Variants in TMTC2 observed in about 807,000 individuals in gnomAD.
TMTC2 encodes the protein transmembrane O-mannosyltransferase targeting cadherins 2.
A neutral mutation model predicts 82.4 loss-of-function variants in TMTC2; 43 were observed. The ratio of observed to expected loss-of-function variants is 0.52; its 90% CI spans 0.41 to 0.67. The LOEUF is 0.67. Among genes scored for constraint, TMTC2 ranks in the 30% least tolerant of loss-of-function variants. The probability of loss-of-function intolerance (pLI) is 0.00; values close to 1 mark genes in which losing one functional copy is unlikely to be tolerated. For missense variants in TMTC2, 919 were observed against 1,012.4 expected (o/e 0.91, Z 1.25); for synonymous variants, 408 against 381.9 (o/e 1.07, Z -0.80).
At chr12:83,075,922 C>G (rs1276341663) in intron 11 of TMTC2, among the ~76,000 whole-genome samples, 1 of 152,178 alleles carries the variant, frequency 6.6e-6, no homozygotes, top group African/African-American at 2.4e-5. Flanking sequence ...TTGTGTTGTA[C>G]TTCTGTTTTG....
intron 1 of TMTC2, among the ~76,000 whole-genome samples, chr12:82,720,605 A>G (rs1165960768): frequency 2.6e-5 from 4 of 152,230 alleles, no homozygotes; most frequent in Non-Finnish European, 5.9e-5. Flanking sequence ...TATATGTAGC[A>G]GTGGAACTGC....
At chr12:83,018,506 A>G (rs1565855328) in intron 8 of TMTC2, among the ~76,000 whole-genome samples, 1 of 152,206 alleles carries the variant, frequency 6.6e-6, no homozygotes, top group Non-Finnish European at 1.5e-5. Context: ...CATGGCTAAT[A>G]GCTAATATTT....
At chr12:82,688,625 A>G (rs968068394) in intron 1 of TMTC2, among the ~76,000 whole-genome samples, 3 of 152,208 alleles carry the variant, frequency 2.0e-5, no homozygotes, top group Non-Finnish European at 4.4e-5. Flanking sequence ...ATTAAAATAT[A>G]TTAGGGATAA....
chr12:82,739,032 C>T (rs1875257950), intron 1 of TMTC2, among the ~76,000 whole-genome samples: 1 of 151,758 alleles, frequency 6.6e-6, no homozygotes, highest in South Asian at 2.1e-4. Context: ...CCTGTAATCC[C>T]AGCTACTCGG....
At chr12:83,052,819 T>C (rs1882403684) in intron 10 of TMTC2, among the ~76,000 whole-genome samples, 1 of 152,230 alleles carries the variant, frequency 6.6e-6, no homozygotes, top group Non-Finnish European at 1.5e-5. Context: ...ATACTGGCAG[T>C]GAGGAAATCT....
chr12:83,097,798 T>A (rs908924508), intron 11 of TMTC2, among the ~76,000 whole-genome samples: 16 of 152,110 alleles, frequency 1.1e-4, no homozygotes, highest in African/African-American at 3.6e-4. Context: ...TGCAAATATA[T>A]GCGCATGCAC....
intron 3 of TMTC2, among the ~76,000 whole-genome samples, chr12:82,922,819 A>G (rs1474654586): frequency 1.3e-5 from 2 of 152,074 alleles, no homozygotes; most frequent in African/African-American, 4.8e-5. Flanking sequence ...GTTATGGTCC[A>G]TTCATGTAAC....
At chr12:82,942,335 G>A (rs1876767184) in intron 4 of TMTC2, among the ~76,000 whole-genome samples, 2 of 152,112 alleles carry the variant, frequency 1.3e-5, no homozygotes, top group African/African-American at 2.4e-5. Flanking sequence ...AGGATAAGAT[G>A]TTTCCTGGTT....
chr12:82,876,762 C>G (rs1374038352), intron 2 of TMTC2, among the ~76,000 whole-genome samples: 1 of 151,966 alleles, frequency 6.6e-6, no homozygotes, highest in Non-Finnish European at 1.5e-5. Context: ...ACTTCTTTAT[C>G]TTGATCAGGC....
chr12:83,080,129 T>G (rs75734487), intron 11 of TMTC2, among the ~76,000 whole-genome samples: 6,707 of 152,246 alleles, frequency 0.044, 188 homozygotes, highest in East Asian at 0.12. Flanking sequence ...CTCCAGCTGG[T>G]GAACTTTAAT....
intron 7 of TMTC2, among the ~76,000 whole-genome samples, chr12:82,971,291 A>G (rs1352951421): frequency 6.6e-6 from 1 of 152,140 alleles, no homozygotes; most frequent in East Asian, 1.9e-4. Flanking sequence ...CTATGTCAAA[A>G]TAGTTTTCCT....
Position 82,795,648 on chromosome 12 carries a change from G to T in TMTC2, c.84-61362G>T, listed in dbSNP as rs111917148. Among the ~76,000 whole-genome samples, 9 of 150,832 alleles carry T rather than the reference G, an allele frequency of 6.0e-5. 1 individual carries two copies. The highest frequency in any genetic ancestry group is 2.2e-4 in the African/African-American group (9 of 41,152). ...TGGTAAATTGGGATTATGACCCTTA[G>T]AAAAAAAAAGGCTTCAAGAGCACTC... is the stretch of plus-strand genomic sequence containing the variant. On this transcript the variant is annotated intron_variant, in intron 1 of 11. Transcript: ENST00000321196.
chr12:82,994,980 G>A (rs879388182), intron 8 of TMTC2, among the ~76,000 whole-genome samples: 1 of 148,782 alleles, frequency 6.7e-6, no homozygotes, highest in Non-Finnish European at 1.5e-5. Context: ...AAGCCCCATT[G>A]ATACTCTATG....
intron 1 of TMTC2, among the ~76,000 whole-genome samples, chr12:82,690,759 G>T (rs1278868692): frequency 6.6e-6 from 1 of 152,050 alleles, no homozygotes; most frequent in Non-Finnish European, 1.5e-5. Context: ...GAGGAAAATT[G>T]AAATTAACAA....
At chr12:82,771,710 A>ATAAC (rs1877320672) in intron 1 of TMTC2, among the ~76,000 whole-genome samples, 1 of 152,240 alleles carries the variant, frequency 6.6e-6, no homozygotes, top group African/African-American at 2.4e-5. Context: ...TTATGCATAA[A>ATAAC]TAACTAATGA....
chr12:83,057,719 TA>T (rs398116681), intron 10 of TMTC2, among the ~76,000 whole-genome samples: 2 of 150,686 alleles, frequency 1.3e-5, no homozygotes, highest in East Asian at 1.9e-4. Context: ...TCTCTCCAGT[TA>T]AAAAAAAATG....
At chr12:83,053,979 C>T (rs1366767464) in intron 10 of TMTC2, among the ~76,000 whole-genome samples, 3 of 152,034 alleles carry the variant, frequency 2.0e-5, no homozygotes, top group Admixed American at 2.0e-4. Context: ...TTGCACTTTC[C>T]TGCCTTCCTT....
chr12:82,698,162 T>TA (rs912951069), intron 1 of TMTC2, among the ~76,000 whole-genome samples: 24 of 152,170 alleles, frequency 1.6e-4, no homozygotes, highest in African/African-American at 5.8e-4. Context: ...TCCTAGTTAA[T>TA]AAAAACCTTT....
intron 9 of TMTC2, among the ~76,000 whole-genome samples, chr12:83,045,296 C>G (rs909524369): frequency 2.0e-5 from 3 of 151,968 alleles, no homozygotes; most frequent in African/African-American, 7.3e-5. Flanking sequence ...TTTTTTCTCC[C>G]TGTAATTTGT....
Sources: gnomAD v4.1 joint callset for allele counts (sites outside exome capture counted in the v4.1 genomes callset) on GRCh38, gnomAD v4.1.1 for gene constraint, MANE v1.5 for transcripts, NCBI Gene and HGNC (gene_info 2026-07-23, HGNC 2026-07-21) for gene names.